SFXN4: variants seen among roughly 807,000 people sequenced by gnomAD.
The protein encoded by SFXN4 is sideroflexin-4.
In SFXN4, 48 loss-of-function variants were observed where a neutral mutation model predicts 54.6. That is an observed-to-expected ratio of 0.88 (90% confidence interval 0.70 to 1.12). The LOEUF is 1.12. Among genes scored for constraint, SFXN4 ranks in the 50% most tolerant of loss-of-function variants. The pLI, the probability that SFXN4 is intolerant of heterozygous loss-of-function variation, is 0.00. For missense variants in SFXN4, 383 were observed against 409.2 expected (o/e 0.94, Z 0.55); for synonymous variants, 130 against 145.5 (o/e 0.89, Z 0.77).
rs777375625 is a variant in SFXN4 at position 119,157,914 on chromosome 10, G to T, written c.428C>A (p.Ala143Asp). 1 of 1,614,210 alleles carries T rather than the reference G, an allele frequency of 6.2e-7. No individual in the cohort carries two copies. Among genetic ancestry groups the T allele is most frequent in the Non-Finnish European group, 8.5e-7 (1 of 1,180,032 alleles). ...GATGCTGTTGAACGCTGCCATGTAG[G>T]CACAGAGGAAAACCTGCCGAGAGGG... The part of the protein sequence containing the change: ...SVILPQVFLC[A>D]YMAAFNSING... The change falls in exon 8 of 14, where the codon GCC becomes GAC. Residue 143 changes from alanine (A) to aspartate (D), a missense_variant. Ala to Asp is a moderately radical substitution (Grantham distance 126, BLOSUM62 -2). Transcript: ENST00000355697.
rs1381908534 is a variant in SFXN4 at position 119,146,446 on chromosome 10, TGTGTGTGTGTGTGTGCAC to T, written c.819-111_819-94del. The T allele has an allele frequency of 2.6e-5, 15 of 583,338 alleles. No individual in the cohort carries two copies. The East Asian group carries it at 3.3e-4, about 13-fold the overall frequency. The allele number at this position is 583,338 out of a possible 1,614,324, so 36.1% of individuals were successfully genotyped here. ...ATCAGGGCGTGTGTGTGTGTGTGTGTGTGTGTGTGTGTGTGCACGTGTGTGTGTACCTGAACACCTGGA... is the reference window on the plus strand; with the variant it reads ...ATCAGGGCGTGTGTGTGTGTGTGTGTGTGTGTGTGTACCTGAACACCTGGA... On this transcript the variant is annotated intron_variant, in intron 12 of 13. Transcript: ENST00000355697.
intron 7 of SFXN4, 22 bp from the exon 8 acceptor site, chr10:119,157,949 T>A (rs1226804379): frequency 1.9e-6 from 3 of 1,614,220 alleles, no homozygotes; most frequent in Admixed American, 1.7e-5. Context: ...GGCAAATGGA[T>A]CGCATTTTCG....
At chr10:119,165,386 G>A (rs1383769459) in intron 1 of SFXN4, 151 bp downstream of exon 1, 7 of 1,330,198 alleles carry the variant, frequency 5.3e-6, no homozygotes, top group Non-Finnish European at 5.8e-6. Context: ...GGTGAAGGCC[G>A]GTGGTGCGCG....
chr10:119,161,101 T>C lies in SFXN4; in HGVS notation c.253-20A>G, dbSNP rs184782545. ...TTGTATCTTAAAGGAGAAAAAAGAATAGCTTTGTTTCATTTTAAATTTTTT... is the reference window on the plus strand; with the variant it reads ...TTGTATCTTAAAGGAGAAAAAAGAACAGCTTTGTTTCATTTTAAATTTTTT... On this transcript the variant is annotated intron_variant, in intron 3 of 13. Transcript: ENST00000355697. 82 of 1,613,220 alleles carry C rather than the reference T, an allele frequency of 5.1e-5. No individual in the cohort carries two copies. The highest frequency in any genetic ancestry group is 6.6e-5 in the South Asian group (6 of 91,024).
chr10:119,161,535 G>A (rs1158835667), intron 3 of SFXN4, among the ~76,000 whole-genome samples: 1 of 151,440 alleles, frequency 6.6e-6, no homozygotes, highest in Non-Finnish European at 1.5e-5. Flanking sequence ...TTCAGAGAGT[G>A]AAGGCCAGAG....
At chr10:119,145,150 A>G (rs979334455) in intron 13 of SFXN4, among the ~76,000 whole-genome samples, 5 of 152,040 alleles carry the variant, frequency 3.3e-5, no homozygotes, top group African/African-American at 4.8e-5. Flanking sequence ...GTCCACTTAT[A>G]TACTGTTTCC....
At chr10:119,142,493 T>C (rs1846572677) in intron 13 of SFXN4, among the ~76,000 whole-genome samples, 1 of 151,664 alleles carries the variant, frequency 6.6e-6, no homozygotes, top group Non-Finnish European at 1.5e-5. Context: ...AATAACTCCT[T>C]ATCTCATCTA....
chr10:119,141,507 C>CTTTTTTTTTTTTTT (rs1234472904), intron 13 of SFXN4, among the ~76,000 whole-genome samples, 188 bp from the exon 14 acceptor site: 1 of 113,356 alleles, frequency 8.8e-6, no homozygotes, highest in Non-Finnish European at 1.8e-5. Context: ...ACTTCTTAAA[C>CTTTTTTTTTTTTTT]TTTTTTTTTT....
In SFXN4 at chr10:119,165,519, G is replaced by A; in HGVS notation, c.111+18C>T. 1 of 1,567,470 alleles carries A rather than the reference G, an allele frequency of 6.4e-7. No homozygotes were observed. Among genetic ancestry groups the A allele is most frequent in the Non-Finnish European group, 8.6e-7 (1 of 1,163,390 alleles). ...CCGCCCCCTCCCTGCCCCTAGTCGC[G>A]CCGGGCCCGGGCCGTACTTGGCGCT... On this transcript the variant is annotated intron_variant, in intron 1 of 13. Transcript: ENST00000355697.
chr10:119,147,859 GC>G lies in SFXN4; in HGVS notation c.733del (p.Ala245LeufsTer6). 6.2e-7 allele frequency: 1 copy of G among 1,613,616 alleles called. No individual in the cohort carries two copies. Among genetic ancestry groups the G allele is most frequent in the Non-Finnish European group, 8.5e-7 (1 of 1,179,540 alleles). On this transcript the variant is annotated frameshift_variant and splice_region_variant, in exon 12 of 14. Coordinates refer to ENST00000355697, the MANE Select transcript of SFXN4 (RefSeq NM_213649.2). LOFTEE classifies it high-confidence loss of function. ...LGHSRIAGTKAVRETLASRIV... is the reference protein window; with the variant it reads ...LGHSRIAGTKXVRETLASRIV... ...TCTGGATGCTAGCGTTTCTCTAACA[GC>G]CTAGCAAAAATGAAAAGAAAACAGC... is the stretch of plus-strand genomic sequence containing the variant.
chr10:119,161,120 A>AT (rs1847513489), intron 3 of SFXN4, 39 bp from the exon 4 acceptor site: 7 of 1,609,396 alleles, frequency 4.3e-6, no homozygotes, highest in South Asian at 1.1e-5. Flanking sequence ...TTCATTTTAA[A>AT]TTTTTTTTAA....
chr10:119,143,774 A>C (rs1264093007), intron 13 of SFXN4, among the ~76,000 whole-genome samples: 1 of 151,930 alleles, frequency 6.6e-6, no homozygotes, highest in Non-Finnish European at 1.5e-5. Flanking sequence ...ACAGCACCCG[A>C]CCTAATTTTT....
chr10:119,160,954 C>A lies in SFXN4; in HGVS notation c.295G>T (p.Asp99Tyr). Residue 99 changes from aspartate to tyrosine, a missense_variant, in exon 5 of 14, where the codon GAC becomes TAC. Asp to Tyr is a radical substitution (Grantham distance 160). Transcript: ENST00000355697. ...AGCTTGGGGATCAGGTTGCTGCTGT[C>A]GGGATGCACTGTTGCCTTCAAAAGG... ...WKRSLATVHP[D>Y]SSNLIPKLFR... 6.2e-7 allele frequency: 1 copy of A among 1,614,082 alleles called. No homozygotes were observed. The highest frequency in any genetic ancestry group is 8.5e-7 in the Non-Finnish European group (1 of 1,180,024).
chr10:119,164,057 A>T, intron 2 of SFXN4, 74 bp downstream of exon 2: 1 of 875,062 alleles, frequency 1.1e-6, no homozygotes, highest in Non-Finnish European at 1.8e-6. Flanking sequence ...AAAAAAAAAA[A>T]AAAAAAAGGG....
Position 119,162,633 on chromosome 10 carries a change from C to T in SFXN4, c.178-219G>A, listed in dbSNP as rs369746646. ...TTCCTAGATGCTCCAGCAGCTGCCC[C>T]CAATGGTGCTGTCACCTCCCCCACT... On this transcript the variant is annotated intron_variant, in intron 2 of 13. Transcript: ENST00000355697. Among the ~76,000 whole-genome samples, 52 of 152,230 alleles carry T rather than the reference C, an allele frequency of 3.4e-4. No homozygotes were observed. In the South Asian group the frequency reaches 0.011, roughly 31 times the overall value.
chr10:119,143,371 T>A (rs1263103371), intron 13 of SFXN4, among the ~76,000 whole-genome samples: 1 of 149,278 alleles, frequency 6.7e-6, no homozygotes, highest in Non-Finnish European at 1.5e-5. Context: ...ACCCTACTAA[T>A]TTTTTTTTTT....
intron 9 of SFXN4, 122 bp from the exon 10 acceptor site, chr10:119,156,878 T>C: frequency 3.0e-6 from 2 of 671,204 alleles, no homozygotes; most frequent in Non-Finnish European, 5.1e-6. Context: ...GCCAGTGCTC[T>C]TCAGGTATTT....
chr10:119,153,450 AG>A (rs2133597182), intron 11 of SFXN4, among the ~76,000 whole-genome samples: 1 of 152,228 alleles, frequency 6.6e-6, no homozygotes, highest in East Asian at 1.9e-4. Context: ...AAGAAAAAGA[AG>A]AAACTAATAG....
intron 9 of SFXN4, 109 bp from the exon 10 acceptor site, chr10:119,156,865 A>G (rs1847298551): frequency 5.5e-6 from 4 of 728,574 alleles, no homozygotes; most frequent in African/African-American, 1.8e-5. Flanking sequence ...AAGTCAGACC[A>G]CTGCCAGTGC....
Sources: allele counts gnomAD v4.1 joint callset (sites outside exome capture counted in the v4.1 genomes callset), GRCh38; gene constraint gnomAD v4.1.1; transcripts MANE v1.5; gene names NCBI Gene and HGNC (gene_info 2026-07-23, HGNC 2026-07-21).